ASIC2: variants seen among roughly 807,000 people sequenced by gnomAD.
The protein encoded by ASIC2 is acid sensing ion channel subunit 2.
ASIC2 carries 25 observed loss-of-function variants against 57.3 expected under a neutral mutation model. The observed-to-expected ratio is 0.44, with a 90% CI of 0.32 to 0.61. The LOEUF is 0.61. Ranked by LOEUF, ASIC2 falls within the 20% of genes least tolerant of loss-of-function variation. The pLI is 0.06. For synonymous variants in ASIC2, 319 were observed against 307.5 expected (o/e 1.04, Z -0.39); for missense variants, 641 against 738.1 (o/e 0.87, Z 1.52).
intron 1 of ASIC2, among the ~76,000 whole-genome samples, chr17:34,105,530 C>T (rs1417640493): frequency 1.5e-5 from 2 of 134,370 alleles, no homozygotes; most frequent in Non-Finnish European, 3.1e-5. Flanking sequence ...TTGGCAGAAA[C>T]TTAGATCATT....
At chr17:33,658,827 C>T (rs1907157364) in intron 1 of ASIC2, among the ~76,000 whole-genome samples, 1 of 151,994 alleles carries the variant, frequency 6.6e-6, no homozygotes, top group Non-Finnish European at 1.5e-5. Context: ...GAAAACCCAC[C>T]TCTACCAAAA....
intron 1 of ASIC2, among the ~76,000 whole-genome samples, chr17:33,492,687 TG>T (rs1333160807): frequency 1.3e-5 from 2 of 152,166 alleles, no homozygotes; most frequent in African/African-American, 4.8e-5. Context: ...ACCTATGACA[TG>T]GGCTGGCTTC....
intron 1 of ASIC2, among the ~76,000 whole-genome samples, chr17:33,271,283 T>A (rs1212439925): frequency 2.6e-5 from 4 of 152,138 alleles, no homozygotes; most frequent in African/African-American, 9.7e-5. Flanking sequence ...CTCTTCTCTG[T>A]CAACACACTC....
intron 1 of ASIC2, among the ~76,000 whole-genome samples, chr17:34,074,213 C>G (rs889681554): frequency 6.6e-6 from 1 of 152,176 alleles, no homozygotes; most frequent in Non-Finnish European, 1.5e-5. Context: ...GATGGTGATA[C>G]ACACTGTATT....
At chr17:33,567,639 T>A (rs561352779) in intron 1 of ASIC2, among the ~76,000 whole-genome samples, 15 of 152,224 alleles carry the variant, frequency 9.9e-5, no homozygotes, top group African/African-American at 3.4e-4. Flanking sequence ...GTGGACAGGC[T>A]GGTCGTGGAA....
chr17:33,139,854 G>A (rs540684137), intron 1 of ASIC2, among the ~76,000 whole-genome samples: 1 of 152,322 alleles, frequency 6.6e-6, no homozygotes, highest in Non-Finnish European at 1.5e-5. Flanking sequence ...GTCAGCCTGG[G>A]TCCTGCCATT....
At chr17:34,105,772 G>A (rs1028170300) in intron 1 of ASIC2, among the ~76,000 whole-genome samples, 27 of 151,976 alleles carry the variant, frequency 1.8e-4, no homozygotes, top group Admixed American at 9.2e-4. Context: ...ATGTATATGT[G>A]TGGGTGTATT....
intron 1 of ASIC2, among the ~76,000 whole-genome samples, chr17:33,897,925 A>T (rs189740188): frequency 2.0e-5 from 3 of 152,326 alleles, no homozygotes; most frequent in Admixed American, 2.0e-4. Flanking sequence ...AAGATGGATG[A>T]TGAATATAGG....
chr17:33,127,764 G>A (rs1442471692), intron 1 of ASIC2, among the ~76,000 whole-genome samples: 3 of 152,162 alleles, frequency 2.0e-5, no homozygotes, highest in Non-Finnish European at 4.4e-5. Flanking sequence ...GCCTCCTACA[G>A]AGTCTCCCAC....
chr17:33,237,427 C>T (rs765658640), intron 1 of ASIC2, among the ~76,000 whole-genome samples: 5 of 151,798 alleles, frequency 3.3e-5, no homozygotes, highest in African/African-American at 7.3e-5. Flanking sequence ...CTCAGCTCAC[C>T]GCAACTTCCG....
intron 3 of ASIC2, among the ~76,000 whole-genome samples, chr17:33,047,984 C>A (rs999814809): frequency 1.3e-5 from 2 of 152,142 alleles, no homozygotes; most frequent in Admixed American, 6.5e-5. Context: ...GCCCTTACCC[C>A]CAGTGTGACA....
intron 1 of ASIC2, among the ~76,000 whole-genome samples, chr17:34,083,404 T>G (rs1270162938): frequency 6.6e-6 from 1 of 151,914 alleles, no homozygotes; most frequent in East Asian, 1.9e-4. Flanking sequence ...TGCCACATTT[T>G]CTTAATCCAG....
intron 1 of ASIC2, among the ~76,000 whole-genome samples, chr17:33,644,603 A>C (rs2142035650): frequency 6.6e-6 from 1 of 152,366 alleles, no homozygotes. Flanking sequence ...ATTAACCCTC[A>C]AAAATGCATC....
intron 3 of ASIC2, among the ~76,000 whole-genome samples, chr17:33,072,711 C>G (rs1358036545): frequency 6.6e-6 from 1 of 152,186 alleles, no homozygotes; most frequent in African/African-American, 2.4e-5. Context: ...GCTACCTAGA[C>G]AGCAAATGGG....
chr17:33,208,359 G>T (rs569541228), intron 1 of ASIC2, among the ~76,000 whole-genome samples: 3 of 152,256 alleles, frequency 2.0e-5, no homozygotes, highest in African/African-American at 4.8e-5. Context: ...CAGAATGCAA[G>T]CTCCTTACTC....
At chr17:33,577,647 A>G (rs1182777894) in intron 1 of ASIC2, among the ~76,000 whole-genome samples, 1 of 152,172 alleles carries the variant, frequency 6.6e-6, no homozygotes, top group East Asian at 1.9e-4. Context: ...AATGAACAAC[A>G]GTGGAAAAGC....
At chr17:33,374,041 G>C (rs1377347046) in intron 1 of ASIC2, among the ~76,000 whole-genome samples, 5 of 151,984 alleles carry the variant, frequency 3.3e-5, no homozygotes, top group Non-Finnish European at 1.5e-5. Context: ...TGCGGCCCAG[G>C]CTGCAGCACA....
intron 1 of ASIC2, among the ~76,000 whole-genome samples, chr17:33,697,262 A>G (rs1908557391): frequency 6.6e-6 from 1 of 152,188 alleles, no homozygotes; most frequent in South Asian, 2.1e-4. Context: ...AGTCTCAGGT[A>G]TCTCTTTATA....
rs116006879 is a variant in ASIC2, at chr17:33,307,207, C to T, written c.556-195140G>A. Among the ~76,000 whole-genome samples the T allele has an allele frequency of 4.0e-3, 604 of 152,154 alleles. 3 individuals are homozygous for T. Among genetic ancestry groups the T allele is most frequent in the African/African-American group, 0.014 (585 of 41,500 alleles). ...AACTTGAGGCCTGGATAGTGTTCTC[C>T]TTATTTCTTTACCTGGTGGTCTTCT... On this transcript the variant is annotated intron_variant, in intron 1 of 9. Transcript: ENST00000359872.
Sources: allele counts gnomAD v4.1 joint callset (sites outside exome capture counted in the v4.1 genomes callset), GRCh38; gene constraint gnomAD v4.1.1; transcripts MANE v1.5; gene names NCBI Gene and HGNC (gene_info 2026-07-23, HGNC 2026-07-21).